Variants in GK5 observed in about 807,000 individuals in gnomAD.
GK5 encodes ATP:glycerol 3-phosphotransferase 5.
Under a neutral mutation model 77.3 loss-of-function variants are expected in GK5, and 39 were observed. The ratio of observed to expected loss-of-function variants is 0.50; its 90% CI spans 0.39 to 0.66. GK5 has a LOEUF of 0.66. Ranked by LOEUF, GK5 falls within the 30% of genes least tolerant of loss-of-function variation. GK5 has a pLI of 0.00. For synonymous variants in GK5, 211 were observed against 208.0 expected (o/e 1.01, Z -0.13); for missense variants, 487 against 633.8 (o/e 0.77, Z 2.49).
intron 1 of GK5, among the ~76,000 whole-genome samples, chr3:142,217,655 T>G (rs1378481353): frequency 6.6e-6 from 1 of 152,106 alleles, no homozygotes; most frequent in East Asian, 1.9e-4. Flanking sequence ...AACCTATATA[T>G]TCAAGAGGCT....
chr3:142,163,890 A>C lies in GK5; in HGVS notation c.*1732T>G, dbSNP rs1021026523. On this transcript the variant is annotated 3_prime_UTR_variant, in exon 16 of 16. Transcript: ENST00000392993. ...CTGAGAAACAGAATGTGTAACAGTAAAACAACAGAGCAGCTTCCATGTGAT... is the reference window on the plus strand; with the variant it reads ...CTGAGAAACAGAATGTGTAACAGTACAACAACAGAGCAGCTTCCATGTGAT... 2 of 152,160 alleles carry C rather than the reference A, an allele frequency of 1.3e-5. No homozygotes were observed. The highest frequency in any genetic ancestry group is 4.8e-5 in the African/African-American group (2 of 41,452). The allele number at this position is 152,160 out of a possible 1,614,324, so 9.4% of individuals were successfully genotyped here.
At chr3:142,216,052 C>T (rs549400566) in intron 1 of GK5, among the ~76,000 whole-genome samples, 3 of 152,306 alleles carry the variant, frequency 2.0e-5, no homozygotes, top group South Asian at 2.1e-4. Flanking sequence ...GCACACTCCA[C>T]CCTGTCTCTT....
intron 12 of GK5, chr3:142,173,031 C>T (rs559660290): frequency 3.2e-4 from 89 of 275,822 alleles, no homozygotes; most frequent in Middle Eastern, 3.1e-3. Flanking sequence ...AGCAAGATAC[C>T]ACCTTTACAA....
chr3:142,169,041 T>G (rs1425431558), intron 15 of GK5, among the ~76,000 whole-genome samples: 3 of 152,202 alleles, frequency 2.0e-5, no homozygotes, highest in African/African-American at 7.2e-5. Context: ...TTCACTGGCT[T>G]TATCAGACAA....
rs780051460 is a variant in GK5, at chr3:142,182,872, T to A, written c.943+51A>T. 27 of 1,323,110 alleles carry A rather than the reference T, an allele frequency of 2.0e-5. No individual in the cohort carries two copies. In the African/African-American group the frequency reaches 3.1e-4, roughly 15 times the overall value. 82.0% of individuals were successfully genotyped at this position (1,323,110 alleles called of 1,614,324 possible). On this transcript the variant is annotated intron_variant, in intron 10 of 15. Transcript: ENST00000392993. ...GTATAAGTATCACAGAAGTTAAATA[T>A]GAACAGAAGTGATATTTTATTAATA...
intron 11 of GK5, 47 bp downstream of exon 11, chr3:142,181,414 G>T: frequency 8.9e-7 from 1 of 1,128,048 alleles, no homozygotes; most frequent in Non-Finnish European, 1.3e-6. Context: ...TGGCATTCTT[G>T]AATTCTTTAG....
At position 142,198,886 on chromosome 3, in the gene GK5, T is replaced by C. The variant is rs1309637127; in HGVS notation, c.459A>G (p.Lys153=). Residue 153 remains lysine (K), a synonymous_variant, in exon 5 of 16, where the codon AAA becomes AAG. Coordinates refer to ENST00000392993, the MANE Select transcript of GK5 (RefSeq NM_001039547.3). ...TGAACAAACTGGCTGTAAAAAGTCG[T>C]TTACTTCTAGTGAAAAAGTGAAGCA... ...CRVLHFFTRS[K]RLFTASLFTF... is the part of the protein sequence containing the mutation. 1.2e-6 allele frequency: 2 copies of C among 1,613,460 alleles called. No individual in the cohort carries two copies. Among genetic ancestry groups the C allele is most frequent in the South Asian group, 2.2e-5 (2 of 91,018 alleles).
Position 142,158,816 on chromosome 3 carries a change from T to C in GK5, c.*6806A>G, listed in dbSNP as rs1481204941. ...CATTATGATAACTATGTACAAAGTA[T>C]ATATCTGTATACTCTAACATTCTAA... On this transcript the variant is annotated 3_prime_UTR_variant, in exon 16 of 16. Transcript: ENST00000392993. 1 of 152,318 alleles carries C rather than the reference T, an allele frequency of 6.6e-6. No individual in the cohort carries two copies. The highest frequency in any genetic ancestry group is 2.4e-5 in the African/African-American group (1 of 41,446). The allele number at this position is 152,318 out of a possible 1,614,324, so 9.4% of individuals were successfully genotyped here.
In GK5 at chr3:142,163,040, A is replaced by C. The variant is rs552307574; in HGVS notation, c.*2582T>G. On this transcript the variant is annotated 3_prime_UTR_variant, in exon 16 of 16. Transcript: ENST00000392993. ...AAAGGACAATTTTGTTGCTCAATTGATCTTATCAACTGTTTCTGCAACCAC... is the reference window on the plus strand; with the variant it reads ...AAAGGACAATTTTGTTGCTCAATTGCTCTTATCAACTGTTTCTGCAACCAC... 2.6e-5 allele frequency: 4 copies of C among 151,570 alleles called. No homozygotes were observed. Among genetic ancestry groups the C allele is most frequent in the Non-Finnish European group, 5.9e-5 (4 of 67,940 alleles). 9.4% of individuals were successfully genotyped at this position (151,570 alleles called of 1,614,324 possible).
intron 9 of GK5, chr3:142,185,697 GA>G: frequency 7.0e-7 from 1 of 1,424,188 alleles, no homozygotes. Flanking sequence ...AAGCAAGTCA[GA>G]AAAGGTTATA....
chr3:142,166,294 T>C (rs1343374106), intron 15 of GK5, among the ~76,000 whole-genome samples: 1 of 152,156 alleles, frequency 6.6e-6, no homozygotes, highest in Non-Finnish European at 1.5e-5. Context: ...AATAGGATAT[T>C]TTCTTTTTTA....
intron 5 of GK5, among the ~76,000 whole-genome samples, chr3:142,190,984 A>T (rs1046501000): frequency 2.0e-5 from 3 of 152,264 alleles, no homozygotes; most frequent in Non-Finnish European, 4.4e-5. Context: ...ACATTACTGG[A>T]TTAAAGGTCA....
In GK5 at chr3:142,162,504, C is replaced by T. The variant is rs2063433045; in HGVS notation, c.*3118G>A. 6.6e-6 allele frequency: 1 copy of T among 152,180 alleles called. No individual in the cohort carries two copies. The highest frequency in any genetic ancestry group is 6.5e-5 in the Admixed American group (1 of 15,284). 9.4% of individuals were successfully genotyped at this position (152,180 alleles called of 1,614,324 possible). On this transcript the variant is annotated 3_prime_UTR_variant, in exon 16 of 16. Coordinates refer to ENST00000392993, the MANE Select transcript of GK5 (RefSeq NM_001039547.3). ...GGTTGGATAAAAAAGATGAAAAAAT[C>T]AGTATGTCTATAGTATAAAAGCAAT...
intron 1 of GK5, among the ~76,000 whole-genome samples, chr3:142,221,071 C>T (rs572601165): frequency 4.6e-5 from 7 of 152,156 alleles, no homozygotes; most frequent in Admixed American, 2.6e-4. Context: ...ATCAAGATCA[C>T]TAGTTAAGGA....
chr3:142,159,060 C>T lies in GK5; in HGVS notation c.*6562G>A, dbSNP rs1019375962. ...AAAAAAGATATTTAAAGATATGGCT[C>T]ATTAAGCAAACATTTAGTGATCATA... On this transcript the variant is annotated 3_prime_UTR_variant, in exon 16 of 16. Coordinates refer to ENST00000392993, the MANE Select transcript of GK5 (RefSeq NM_001039547.3). 1.3e-5 allele frequency: 2 copies of T among 152,144 alleles called. No homozygotes were observed. Among genetic ancestry groups the T allele is most frequent in the Non-Finnish European group, 2.9e-5 (2 of 68,022 alleles). 9.4% of individuals were successfully genotyped at this position (152,144 alleles called of 1,614,324 possible).
chr3:142,197,335 T>C (rs1421648818), intron 5 of GK5, among the ~76,000 whole-genome samples: 3 of 152,240 alleles, frequency 2.0e-5, no homozygotes, highest in African/African-American at 7.2e-5. Flanking sequence ...TATATATTTA[T>C]GATGAATTCA....
chr3:142,196,619 G>C (rs2063937404), intron 5 of GK5, among the ~76,000 whole-genome samples: 1 of 151,796 alleles, frequency 6.6e-6, no homozygotes, highest in African/African-American at 2.4e-5. Flanking sequence ...ATATATTTTT[G>C]AATTTCCCAA....
Position 142,158,117 on chromosome 3 carries a change from A to G in GK5, c.*7505T>C, listed in dbSNP as rs1047306177. On this transcript the variant is annotated 3_prime_UTR_variant, in exon 16 of 16. Transcript: ENST00000392993. ...CAGGCACCCGCCACCACGCCTGGCT[A>G]ATTTTTTGTATTTTTAGTAGAGACA... 3 of 151,608 alleles carry G rather than the reference A, an allele frequency of 2.0e-5. No individual in the cohort carries two copies. Among genetic ancestry groups the G allele is most frequent in the Non-Finnish European group, 2.9e-5 (2 of 67,990 alleles). The allele number at this position is 151,608 out of a possible 1,614,324, so 9.4% of individuals were successfully genotyped here. A position where few individuals can be genotyped will look rare whatever the true frequency, so the allele number is the denominator to read the frequency against.
chr3:142,177,172 G>A (rs918053687), intron 12 of GK5, among the ~76,000 whole-genome samples: 16 of 152,134 alleles, frequency 1.1e-4, no homozygotes, highest in African/African-American at 3.9e-4. Context: ...TCATGATAAA[G>A]TAATGCTAAG....
Sources: allele counts gnomAD v4.1 joint callset (sites outside exome capture counted in the v4.1 genomes callset), GRCh38; gene constraint gnomAD v4.1.1; transcripts MANE v1.5; gene names NCBI Gene and HGNC (gene_info 2026-07-23, HGNC 2026-07-21).